Variants in ARHGEF3 observed in about 807,000 individuals in gnomAD.
The protein encoded by ARHGEF3 is Rho guanine nucleotide exchange factor 3, also known as 59.8 kDA protein.
In ARHGEF3, 28 loss-of-function variants were observed where a neutral mutation model predicts 63.2. That is an observed-to-expected ratio of 0.44 (90% CI 0.33 to 0.61). The LOEUF is 0.61. ARHGEF3 is among the 20% of genes least tolerant of loss of function. ARHGEF3 has a pLI of 0.03. For missense variants in ARHGEF3, 533 were observed against 659.3 expected, an observed-to-expected ratio of 0.81 and a Z score of 2.10; for synonymous variants, 266 against 254.2, an observed-to-expected ratio of 1.05 and a Z score of -0.44.
At chr3:57,016,263 A>G (rs546055789) in intron 2 of ARHGEF3, among the ~76,000 whole-genome samples, 1 of 152,072 alleles carries the variant, frequency 6.6e-6, no homozygotes, top group South Asian at 2.1e-4. Context: ...TGCTTGCAAG[A>G]ATGACAAAAA....
At chr3:56,979,555 C>T (rs13070144) in intron 2 of ARHGEF3, among the ~76,000 whole-genome samples, 20,861 of 152,198 alleles carry the variant, frequency 0.14, 1,812 homozygotes, top group Non-Finnish European at 0.19. Context: ...GGAATAAAGC[C>T]GGGGTCTGTG....
chr3:57,066,715 A>G (rs1705559601), intron 1 of ARHGEF3, among the ~76,000 whole-genome samples: 1 of 152,244 alleles, frequency 6.6e-6, no homozygotes, highest in Non-Finnish European at 1.5e-5. Context: ...AGATGAGATT[A>G]ACATTTAAAT....
intron 2 of ARHGEF3, among the ~76,000 whole-genome samples, chr3:56,761,426 C>G (rs1326815718): frequency 4.6e-5 from 7 of 152,268 alleles, no homozygotes; most frequent in African/African-American, 1.7e-4. Context: ...TCCATCTACA[C>G]ACCCTCTGCC....
At chr3:56,949,686 G>A (rs890173566) in intron 3 of ARHGEF3, among the ~76,000 whole-genome samples, 83 of 152,062 alleles carry the variant, frequency 5.5e-4, no homozygotes, top group Admixed American at 2.7e-3. Flanking sequence ...AATCAATATC[G>A]TGAAAATGGC....
intron 1 of ARHGEF3, among the ~76,000 whole-genome samples, chr3:57,039,361 A>G (rs552432497): frequency 1.3e-5 from 2 of 152,200 alleles, no homozygotes; most frequent in Non-Finnish European, 2.9e-5. Flanking sequence ...GTTGCTGGGA[A>G]CATAAATTGG....
At chr3:56,917,556 G>C (rs1040409536) in intron 3 of ARHGEF3, among the ~76,000 whole-genome samples, 1 of 152,156 alleles carries the variant, frequency 6.6e-6, no homozygotes, top group African/African-American at 2.4e-5. Flanking sequence ...GAGAAAGCAG[G>C]CTCTTTCCAT....
At position 57,059,353 on chromosome 3, in the gene ARHGEF3, A is replaced by AGTG. The variant is rs1386775987; in HGVS notation, c.-28+19872_-28+19873insCAC. Among the ~76,000 whole-genome samples the AGTG allele has an allele frequency of 2.0e-5, 3 of 152,186 alleles. No homozygotes were observed. The East Asian group carries it at 5.8e-4, about 29-fold the overall frequency. The stretch of plus-strand genomic sequence containing the variant: ...AGAATTGTCTTGGGCCACACATAAA[A>AGTG]TACACTAACACTAACAATAGCTGAT... On this transcript the variant is annotated intron_variant, in intron 1 of 12. Coordinates refer to the ARHGEF3 transcript ENST00000338458.
chr3:57,002,223 T>A (rs1702225855), intron 2 of ARHGEF3, among the ~76,000 whole-genome samples: 1 of 151,140 alleles, frequency 6.6e-6, no homozygotes, highest in Non-Finnish European at 1.5e-5. Context: ...CATAGTATTT[T>A]TAAAAAAACT....
intron 2 of ARHGEF3, among the ~76,000 whole-genome samples, chr3:56,979,378 C>T (rs527916541): frequency 4.1e-4 from 62 of 152,204 alleles, no homozygotes; most frequent in Non-Finnish European, 7.2e-4. Flanking sequence ...GTGTTATTTG[C>T]CATTGCATCC....
chr3:56,757,883 C>T (rs1029395786), intron 2 of ARHGEF3, among the ~76,000 whole-genome samples: 14 of 151,638 alleles, frequency 9.2e-5, no homozygotes, highest in Non-Finnish European at 2.9e-5. Context: ...CCACCACGCC[C>T]GGCTAATTTT....
intron 2 of ARHGEF3, among the ~76,000 whole-genome samples, chr3:56,972,339 A>G (rs1302217977): frequency 1.3e-5 from 2 of 152,150 alleles, no homozygotes; most frequent in Non-Finnish European, 2.9e-5. Flanking sequence ...AATAATTCCT[A>G]TAAAGCACTG....
intron 3 of ARHGEF3, among the ~76,000 whole-genome samples, chr3:56,906,214 A>T (rs1203559894): frequency 1.3e-5 from 2 of 152,202 alleles, no homozygotes; most frequent in Non-Finnish European, 2.9e-5. Context: ...CATTTTATCA[A>T]AATTAAATAA....
rs143298246 is a variant in ARHGEF3, at chr3:56,872,771, G to A, written c.192+9521C>T. On this transcript the variant is annotated intron_variant, in intron 4 of 12. Coordinates refer to the ARHGEF3 transcript ENST00000338458. ...AGTTCACCCGCCTCAGCCTCCTAAC[G>A]TGTTGGGATTATAGGCGTAAGCCAC... 3.2e-3 allele frequency among the ~76,000 whole-genome samples: 492 copies of A among 152,208 alleles called. 2 individuals are homozygous for A. The highest frequency in any genetic ancestry group is 0.011 in the African/African-American group (466 of 41,546).
rs1702240911 is a variant in ARHGEF3 at position 57,002,461 on chromosome 3, ACTATATATATATATATGTT to A, written c.62+32608_62+32626del. On this transcript the variant is annotated intron_variant, in intron 2 of 12. Coordinates refer to the ARHGEF3 transcript ENST00000338458. ...ATATATGCCAGGCACTGTTCTAAGC[ACTATATATATATATATGTT>A]ATATATATATATATATGTTATATAT... is the stretch of plus-strand genomic sequence containing the variant. Among the ~76,000 whole-genome samples, 11 of 9,346 alleles carry A rather than the reference ACTATATATATATATATGTT, an allele frequency of 1.2e-3. No individual in the cohort carries two copies. The Admixed American group carries it at 0.027, about 23-fold the overall frequency. The allele number at this position is 9,346 out of a possible 152,430, so 6.1% of individuals were successfully genotyped here. A position where few individuals can be genotyped will look rare whatever the true frequency, so the allele number is the denominator to read the frequency against.
chr3:57,067,903 T>C (rs34641352), intron 1 of ARHGEF3, among the ~76,000 whole-genome samples: 119 of 151,382 alleles, frequency 7.9e-4, no homozygotes, highest in African/African-American at 2.7e-3. Context: ...GGTAGGAGAA[T>C]GGCGTGAACC....
chr3:56,763,957 G>A (rs7635478), intron 2 of ARHGEF3, among the ~76,000 whole-genome samples: 5,003 of 152,104 alleles, frequency 0.033, 195 homozygotes, highest in South Asian at 0.15. Context: ...GAAGAAACAC[G>A]GTCAGTTGAC....
At chr3:56,758,015 C>T (rs1354383215) in intron 2 of ARHGEF3, among the ~76,000 whole-genome samples, 3 of 151,392 alleles carry the variant, frequency 2.0e-5, no homozygotes, top group Non-Finnish European at 4.4e-5. Context: ...TGGTGGCTCA[C>T]GCCTGTAATC....
intron 2 of ARHGEF3, among the ~76,000 whole-genome samples, chr3:57,021,367 G>C (rs1703249563): frequency 6.6e-6 from 1 of 152,156 alleles, no homozygotes; most frequent in Admixed American, 6.5e-5. Context: ...AGCTCAAACT[G>C]AAAGCCTGCA....
At chr3:56,927,294 A>G (rs1578863141) in intron 3 of ARHGEF3, among the ~76,000 whole-genome samples, 3 of 152,240 alleles carry the variant, frequency 2.0e-5, no homozygotes, top group African/African-American at 7.2e-5. Context: ...CCTAGAGACT[A>G]TAAGATAAAC....
Sources: allele counts gnomAD v4.1 joint callset (sites outside exome capture counted in the v4.1 genomes callset), GRCh38; gene constraint gnomAD v4.1.1; transcripts MANE v1.5; gene names NCBI Gene and HGNC (gene_info 2026-07-23, HGNC 2026-07-21).